TPTE: variants seen among roughly 807,000 people sequenced by gnomAD.
The protein encoded by TPTE is putative tyrosine-protein phosphatase TPTE.
In TPTE, 59 loss-of-function variants were observed where a neutral mutation model predicts 84.1. The ratio of observed to expected loss-of-function variants is 0.70; its 90% confidence interval spans 0.57 to 0.87. The LOEUF is 0.87. TPTE is among the 40% of genes least tolerant of loss of function. The probability of loss-of-function intolerance (pLI) is 0.00; values close to 1 mark genes in which losing one functional copy is unlikely to be tolerated. For synonymous variants in TPTE, 130 were observed against 223.5 expected, an observed-to-expected ratio of 0.58 and a Z score of 3.73; for missense variants, 382 against 659.6, an observed-to-expected ratio of 0.58 and a Z score of 4.61.
At chr21:10,573,120 G>A (rs1158154028) in intron 14 of TPTE, among the ~76,000 whole-genome samples, 236 of 150,676 alleles carry the variant, frequency 1.6e-3, no homozygotes, top group African/African-American at 5.2e-3. Flanking sequence ...ACCTGTAAAG[G>A]ATCATACAGA....
chr21:10,556,756 T>C (rs531664891), intron 8 of TPTE, among the ~76,000 whole-genome samples: 16 of 152,422 alleles, frequency 1.0e-4, no homozygotes, highest in African/African-American at 3.4e-4. Context: ...AGATGGTATG[T>C]CATTGTGGTT....
At chr21:10,523,662 G>A (rs1389189640) in intron 1 of TPTE, among the ~76,000 whole-genome samples, 23 of 152,290 alleles carry the variant, frequency 1.5e-4, no homozygotes, top group African/African-American at 5.3e-4. Flanking sequence ...ATTCCATGGT[G>A]TATATGTGCC....
rs1379132966 is a variant in TPTE, at chr21:10,543,031, T to TC, written c.120-298_120-297insC. Among the ~76,000 whole-genome samples the TC allele has an allele frequency of 1.4e-3, 113 of 81,026 alleles. 1 individual carries two copies. The highest frequency in any genetic ancestry group is 2.2e-3 in the Admixed American group (18 of 8,092). 53.2% of individuals were successfully genotyped at this position (81,026 alleles called of 152,430 possible). A position where few individuals can be genotyped will look rare whatever the true frequency, so the allele number is the denominator to read the frequency against. On this transcript the variant is annotated intron_variant, in intron 6 of 23. Transcript: ENST00000618007. ...ACTGTATTCTTTTTTTTTTTTTTTT[T>TC]TTTTTTTTTGAGACGGAGTCTCGCT... is the stretch of plus-strand genomic sequence containing the variant.
At chr21:10,539,538 C>G (rs530539992) in intron 4 of TPTE, among the ~76,000 whole-genome samples, 1 of 152,306 alleles carries the variant, frequency 6.6e-6, no homozygotes, top group Non-Finnish European at 1.5e-5. Flanking sequence ...AAAAGGCTGT[C>G]TGTCGTGCAT....
At chr21:10,527,434 G>A (rs1432227903) in intron 3 of TPTE, 22 bp downstream of exon 3, 2 of 152,762 alleles carry the variant, frequency 1.3e-5, no homozygotes, top group Non-Finnish European at 2.9e-5. Context: ...GATCTAAGTG[G>A]TGAAAAATAC....
chr21:10,589,173 A>G (rs1330967947), intron 17 of TPTE, among the ~76,000 whole-genome samples: 1,761 of 149,360 alleles, frequency 0.012, no homozygotes, highest in African/African-American at 0.043. Flanking sequence ...TTCCTTTCCT[A>G]TAATATTATT....
intron 19 of TPTE, among the ~76,000 whole-genome samples, chr21:10,594,097 C>CT (rs1186688206): frequency 1.3e-5 from 2 of 152,310 alleles, no homozygotes; most frequent in East Asian, 3.8e-4. Context: ...TGGCAATAAA[C>CT]TAAACGTTTC....
intron 19 of TPTE, among the ~76,000 whole-genome samples, chr21:10,592,805 G>GGTTGTGTGTGTGTGT (rs1555820854): frequency 1.4e-3 from 212 of 148,894 alleles, no homozygotes; most frequent in African/African-American, 5.1e-3. Context: ...GATGACTCCT[G>GGTTGTGTGTGTGTGT]GTGTGTGTGT....
intron 19 of TPTE, among the ~76,000 whole-genome samples, chr21:10,593,813 T>C (rs1488875787): frequency 1.3e-5 from 2 of 152,310 alleles, no homozygotes; most frequent in Admixed American, 1.3e-4. Context: ...CTAAATGGAT[T>C]TGGATGTGGC....
At chr21:10,569,591 C>A (rs1412703909) in intron 12 of TPTE, 55 bp downstream of exon 12, 1 of 1,613,678 alleles carries the variant, frequency 6.2e-7, no homozygotes, top group Middle Eastern at 1.7e-4. Context: ...TTTTGGGACC[C>A]ATTGACAAGG....
intron 7 of TPTE, among the ~76,000 whole-genome samples, chr21:10,551,869 A>G (rs1394854459): frequency 2.0e-5 from 3 of 152,294 alleles, no homozygotes. Context: ...GAAGAAATAG[A>G]AAACCTGAAC....
intron 3 of TPTE, among the ~76,000 whole-genome samples, chr21:10,538,442 T>TA (rs2074307000): frequency 6.6e-6 from 1 of 152,306 alleles, no homozygotes; most frequent in Non-Finnish European, 1.5e-5. Flanking sequence ...GAGGTCATAA[T>TA]AAAGAGGTTT....
intron 4 of TPTE, among the ~76,000 whole-genome samples, chr21:10,539,774 G>A (rs1366637672): frequency 6.6e-6 from 1 of 152,312 alleles, no homozygotes; most frequent in Non-Finnish European, 1.5e-5. Flanking sequence ...CACTTTGGGA[G>A]GCCAGGGCGG....
intron 7 of TPTE, among the ~76,000 whole-genome samples, chr21:10,545,850 T>C (rs1739925519): frequency 6.6e-6 from 1 of 151,842 alleles, no homozygotes; most frequent in African/African-American, 2.4e-5. Flanking sequence ...TATAGATATA[T>C]TCTTTAGCAC....
In TPTE at chr21:10,590,664, C is replaced by G. The variant is rs1600968259; in HGVS notation, c.1089+141C>G. On this transcript the variant is annotated intron_variant, in intron 18 of 23. Transcript: ENST00000618007. The stretch of plus-strand genomic sequence containing the variant: ...ATTAGAGAAGCAGTCTTTAGAAAGT[C>G]TGTTTTTGATACTTTCTTGTTTAAT... 7 of 1,418,224 alleles carry G rather than the reference C, an allele frequency of 4.9e-6. No homozygotes were observed. The East Asian group carries it at 1.6e-4, about 33-fold the overall frequency. 87.9% of individuals were successfully genotyped at this position (1,418,224 alleles called of 1,614,324 possible).
At chr21:10,593,828 A>C (rs965033205) in intron 19 of TPTE, among the ~76,000 whole-genome samples, 2 of 152,312 alleles carry the variant, frequency 1.3e-5, no homozygotes, top group African/African-American at 4.8e-5. Flanking sequence ...TGTGGCTGTA[A>C]ATGAGTTTTT....
Position 10,524,656 on chromosome 21 carries a change from C to G in TPTE, c.-134C>G, listed in dbSNP as rs1406996095. ...TGAACACACCCCAGGCTCTTCTGCC[C>G]GGCAGTGGCTCTGGAAGCAGTCTGG... On this transcript the variant is annotated 5_prime_UTR_variant, in exon 2 of 24. Transcript: ENST00000618007. 6.5e-6 allele frequency: 1 copy of G among 152,864 alleles called. No homozygotes were observed. Among genetic ancestry groups the G allele is most frequent in the African/African-American group, 2.4e-5 (1 of 41,504 alleles). 9.5% of individuals were successfully genotyped at this position (152,864 alleles called of 1,614,324 possible). A position where few individuals can be genotyped will look rare whatever the true frequency, so the allele number is the denominator to read the frequency against.
At chr21:10,605,291 A>C in intron 23 of TPTE, 126 bp from the exon 24 acceptor site, 1 of 1,317,258 alleles carries the variant, frequency 7.6e-7, no homozygotes, top group Non-Finnish European at 1.0e-6. Context: ...GACACAAAAA[A>C]AGGGCTGAGG....
chr21:10,605,422 A>G lies in TPTE; in HGVS notation c.1526A>G (p.Tyr509Cys), dbSNP rs772237648. The G allele has an allele frequency of 1.9e-6, 3 of 1,613,976 alleles. No homozygotes were observed. The highest frequency in any genetic ancestry group is 2.5e-6 in the Non-Finnish European group (3 of 1,179,896). ...HTSFIENNRLYLPKNELDNLH... is the reference protein window; with the variant it reads ...HTSFIENNRLCLPKNELDNLH... Reference sequence around the variant, plus strand: ...TAATTTTTTTCTATTCTTAGGCTTTATCTACCAAAAAATGAATTGGATAAT... The same window carrying G: ...TAATTTTTTTCTATTCTTAGGCTTTGTCTACCAAAAAATGAATTGGATAAT... Residue 509 changes from tyrosine to cysteine, a missense_variant, in exon 24 of 24, where the codon TAT (tyrosine) becomes TGT (cysteine). By Grantham distance (194) the Tyr-to-Cys change is radical. Transcript: ENST00000618007.
Sources: allele counts gnomAD v4.1 joint callset (sites outside exome capture counted in the v4.1 genomes callset), GRCh38; gene constraint gnomAD v4.1.1; transcripts MANE v1.5; gene names NCBI Gene and HGNC (gene_info 2026-07-23, HGNC 2026-07-21).